The following AP2B1 variants were observed in gnomAD, a reference collection of about 807,000 sequenced individuals.
The protein encoded by AP2B1 is adaptor related protein complex 2 subunit beta 1.
AP2B1 carries 23 observed loss-of-function variants against 102.0 expected under a neutral mutation model. The ratio of observed to expected loss-of-function variants is 0.23; its 90% CI spans 0.16 to 0.32. The LOEUF (loss-of-function observed/expected upper bound fraction) is 0.32, where lower values mean the gene tolerates loss of function less well. Ranked by LOEUF, AP2B1 falls within the 10% of genes least tolerant of loss-of-function variation. The probability of loss-of-function intolerance (pLI) is 1.00; values close to 1 mark genes in which losing one functional copy is unlikely to be tolerated. For synonymous variants in AP2B1, 381 were observed against 421.2 expected (o/e 0.90, Z 1.17); for missense variants, 541 against 1,157.4 (o/e 0.47, Z 7.73).
chr17:35,719,082 A>G (rs782608751), intron 21 of AP2B1, among the ~76,000 whole-genome samples: 3 of 152,190 alleles, frequency 2.0e-5, no homozygotes, highest in African/African-American at 7.2e-5. Flanking sequence ...AGACTTAACA[A>G]ATTTTTTAAA....
intron 3 of AP2B1, among the ~76,000 whole-genome samples, chr17:35,600,263 A>T (rs968655543): frequency 2.6e-5 from 4 of 151,976 alleles, no homozygotes; most frequent in African/African-American, 9.7e-5. Context: ...TTGTATTTTT[A>T]GTAGAGACGG....
At chr17:35,605,538 C>A (rs1017136611) in intron 3 of AP2B1, among the ~76,000 whole-genome samples, 167 bp from the exon 4 acceptor site, 8 of 152,250 alleles carry the variant, frequency 5.3e-5, no homozygotes, top group Non-Finnish European at 1.2e-4. Flanking sequence ...GCGTGAGCCA[C>A]CGTGCCCAGC....
intron 5 of AP2B1, among the ~76,000 whole-genome samples, chr17:35,612,992 A>G (rs1196422402): frequency 6.6e-6 from 1 of 151,340 alleles, no homozygotes; most frequent in Non-Finnish European, 1.5e-5. Context: ...TAGAAATCTC[A>G]AAAAAGAAAA....
At chr17:35,641,256 C>A (rs1215158562) in intron 11 of AP2B1, among the ~76,000 whole-genome samples, 1 of 152,116 alleles carries the variant, frequency 6.6e-6, no homozygotes, top group African/African-American at 2.4e-5. Flanking sequence ...AATTTTATCA[C>A]CATCAGTATG....
intron 12 of AP2B1, among the ~76,000 whole-genome samples, chr17:35,650,277 T>C (rs1055770714): frequency 1.3e-5 from 2 of 152,110 alleles, no homozygotes; most frequent in Non-Finnish European, 2.9e-5. Flanking sequence ...ATATTTTTTG[T>C]AGAGGCAAGG....
chr17:35,591,880 A>G (rs1356356001), intron 1 of AP2B1, among the ~76,000 whole-genome samples: 1 of 152,244 alleles, frequency 6.6e-6, no homozygotes, highest in Non-Finnish European at 1.5e-5. Flanking sequence ...TATAACAAGT[A>G]TTAAAGGAGA....
chr17:35,688,083 T>C (rs2075971931), intron 18 of AP2B1, among the ~76,000 whole-genome samples: 1 of 152,222 alleles, frequency 6.6e-6, no homozygotes, highest in Admixed American at 6.5e-5. Flanking sequence ...GCCTGGAACA[T>C]AGCTGTCTTC....
intron 14 of AP2B1, among the ~76,000 whole-genome samples, chr17:35,667,159 T>C (rs1331001708): frequency 6.6e-6 from 1 of 152,180 alleles, no homozygotes; most frequent in Non-Finnish European, 1.5e-5. Context: ...CCTGCTGACA[T>C]CTCCCTATTA....
At chr17:35,691,428 C>G (rs1291652300) in intron 18 of AP2B1, among the ~76,000 whole-genome samples, 1 of 152,220 alleles carries the variant, frequency 6.6e-6, no homozygotes, top group Non-Finnish European at 1.5e-5. Context: ...TAGACGCTTC[C>G]AAGCGGAAGA....
At chr17:35,700,507 T>C (rs1471570740) in intron 18 of AP2B1, among the ~76,000 whole-genome samples, 1 of 152,148 alleles carries the variant, frequency 6.6e-6, no homozygotes, top group Non-Finnish European at 1.5e-5. Context: ...GCAGATGATA[T>C]AATCTCAAAG....
intron 11 of AP2B1, among the ~76,000 whole-genome samples, chr17:35,640,472 A>C (rs957804320): frequency 6.6e-6 from 1 of 152,004 alleles, no homozygotes; most frequent in African/African-American, 2.4e-5. Flanking sequence ...TCCTGACCTT[A>C]GGCGATCCAC....
At position 35,678,632 on chromosome 17, in the gene AP2B1, T is replaced by A. The variant is rs1012957944; in HGVS notation, c.2325-4063T>A. Among the ~76,000 whole-genome samples the A allele has an allele frequency of 1.1e-4, 16 of 152,326 alleles. No homozygotes were observed. In the South Asian group the frequency reaches 1.2e-3, roughly 12 times the overall value. ...AAAATGATTATGTGAACTTTTTTAG[T>A]CCATTAATATGATGGATTACATCAG... is the stretch of plus-strand genomic sequence containing the variant. On this transcript the variant is annotated intron_variant, in intron 17 of 21. Transcript: ENST00000610402.
At chr17:35,663,614 A>T (rs937866829) in intron 14 of AP2B1, among the ~76,000 whole-genome samples, 1 of 152,252 alleles carries the variant, frequency 6.6e-6, no homozygotes, top group Non-Finnish European at 1.5e-5. Flanking sequence ...TGCAGGGTGC[A>T]TTTGAAGCTG....
chr17:35,596,859 G>C (rs1408007271), intron 2 of AP2B1: 1 of 684,752 alleles, frequency 1.5e-6, no homozygotes, highest in Non-Finnish European at 2.7e-6. Flanking sequence ...AGGCCGCCCA[G>C]CAGGAAGAAG....
At chr17:35,634,228 G>A (rs1304038154) in intron 9 of AP2B1, among the ~76,000 whole-genome samples, 1 of 152,152 alleles carries the variant, frequency 6.6e-6, no homozygotes, top group African/African-American at 2.4e-5. Context: ...GAAGAAACTA[G>A]GTCATTAGGC....
intron 5 of AP2B1, among the ~76,000 whole-genome samples, chr17:35,617,761 G>A (rs1268747019): frequency 6.6e-6 from 1 of 152,128 alleles, no homozygotes; most frequent in Non-Finnish European, 1.5e-5. Context: ...TCTTAGAAAT[G>A]GGGAGATCAT....
intron 18 of AP2B1, among the ~76,000 whole-genome samples, chr17:35,695,258 G>A (rs587621825): frequency 1.1e-3 from 163 of 152,138 alleles, no homozygotes; most frequent in Non-Finnish European, 1.7e-3. Flanking sequence ...ATCACAGGTG[G>A]GTTATACATT....
At chr17:35,690,467 C>T (rs1420540500) in intron 18 of AP2B1, among the ~76,000 whole-genome samples, 1 of 152,246 alleles carries the variant, frequency 6.6e-6, no homozygotes, top group Admixed American at 6.5e-5. Context: ...ACCCCTCAGC[C>T]ATGTCTGGCT....
chr17:35,720,488 C>T, intron 21 of AP2B1, among the ~76,000 whole-genome samples: 1 of 142,018 alleles, frequency 7.0e-6, no homozygotes, highest in East Asian at 2.0e-4. Flanking sequence ...AAAATAGATT[C>T]TGTCCTCGTG....
Sources: gnomAD v4.1 joint callset for allele counts (sites outside exome capture counted in the v4.1 genomes callset) on GRCh38, gnomAD v4.1.1 for gene constraint, MANE v1.5 for transcripts, NCBI Gene and HGNC (gene_info 2026-07-23, HGNC 2026-07-21) for gene names.